The following RGS6 variants were observed in gnomAD, a reference collection of about 807,000 sequenced individuals.
The protein encoded by RGS6 is regulator of G protein signaling 6.
A neutral mutation model predicts 78.5 loss-of-function variants in RGS6; 30 were observed. That is an observed-to-expected ratio of 0.38 (90% CI 0.29 to 0.52). The LOEUF is 0.52. Among genes scored for constraint, RGS6 ranks in the 20% least tolerant of loss-of-function variants. RGS6 has a pLI of 0.85. For synonymous variants in RGS6, 206 were observed against 206.0 expected, an observed-to-expected ratio of 1.00 and a Z score of 0.00; for missense variants, 495 against 609.7, an observed-to-expected ratio of 0.81 and a Z score of 1.98.
chr14:71,954,898 G>A (rs888231768), intron 1 of RGS6, among the ~76,000 whole-genome samples: 3 of 152,062 alleles, frequency 2.0e-5, no homozygotes, highest in South Asian at 2.1e-4. Context: ...TCCAACATCC[G>A]TGACATATCT....
chr14:72,523,822 T>C (rs953893422), intron 15 of RGS6, among the ~76,000 whole-genome samples: 1 of 151,562 alleles, frequency 6.6e-6, no homozygotes, highest in Admixed American at 6.5e-5. Flanking sequence ...GAAAAATATA[T>C]AGGCCATGAT....
At chr14:72,383,313 A>C (rs1383124897) in intron 3 of RGS6, among the ~76,000 whole-genome samples, 3 of 151,538 alleles carry the variant, frequency 2.0e-5, no homozygotes, top group Non-Finnish European at 4.4e-5. Flanking sequence ...GACTAAATGA[A>C]CACATTTACT....
chr14:72,350,049 A>G (rs2078824666), intron 2 of RGS6, among the ~76,000 whole-genome samples: 1 of 152,252 alleles, frequency 6.6e-6, no homozygotes, highest in Admixed American at 6.5e-5. Flanking sequence ...GATTGAGTTT[A>G]GGAGACAAAG....
chr14:72,006,533 T>C (rs2084597775), intron 2 of RGS6, among the ~76,000 whole-genome samples: 1 of 152,116 alleles, frequency 6.6e-6, no homozygotes, highest in South Asian at 2.1e-4. Context: ...CAAGAGCTAA[T>C]AAAAAATGGA....
rs146420095 is a variant in RGS6, at chr14:72,172,519, A to G, written c.85-179576A>G. Reference sequence around the variant, plus strand: ...TGTATATTATTATATACACGTATGCATCCTCCCCCCAGCATTGATGTGTGT... The same window carrying G: ...TGTATATTATTATATACACGTATGCGTCCTCCCCCCAGCATTGATGTGTGT... On this transcript the variant is annotated intron_variant, in intron 2 of 17. Coordinates refer to ENST00000553525, the MANE Select transcript of RGS6 (RefSeq NM_001204424.2). Among the ~76,000 whole-genome samples, 3 of 152,188 alleles carry G rather than the reference A, an allele frequency of 2.0e-5. No individual in the cohort carries two copies. The East Asian group carries it at 5.8e-4, about 29-fold the overall frequency.
chr14:72,064,989 G>A (rs2094073844), intron 2 of RGS6, among the ~76,000 whole-genome samples: 1 of 152,066 alleles, frequency 6.6e-6, no homozygotes, highest in African/African-American at 2.4e-5. Context: ...GAGGTTACTG[G>A]CCAGAACTAT....
intron 2 of RGS6, among the ~76,000 whole-genome samples, chr14:72,148,209 C>T (rs1379859935): frequency 6.9e-6 from 1 of 144,684 alleles, no homozygotes; most frequent in Non-Finnish European, 1.5e-5. Flanking sequence ...GCCTGGGCAA[C>T]ATAGCAAGAA....
At chr14:72,192,208 A>T (rs559938642) in intron 2 of RGS6, among the ~76,000 whole-genome samples, 1 of 152,314 alleles carries the variant, frequency 6.6e-6, no homozygotes, top group South Asian at 2.1e-4. Flanking sequence ...GGAGACATGA[A>T]GTCATTGTTT....
chr14:72,547,091 G>GC (rs1474196825), intron 17 of RGS6: 21 of 1,325,558 alleles, frequency 1.6e-5, no homozygotes, highest in African/African-American at 4.4e-5. Flanking sequence ...GGAGTGCAGG[G>GC]CCCCCCGCAG....
chr14:71,920,701 G>A, the RGS6 span, among the ~76,000 whole-genome samples: 3 of 152,190 alleles, frequency 2.0e-5, no homozygotes, highest in Admixed American at 6.5e-5. Flanking sequence ...TCTGGTTGGG[G>A]TATTTTAAAT....
intron 2 of RGS6, among the ~76,000 whole-genome samples, chr14:72,320,561 G>C (rs964233868): frequency 6.6e-6 from 1 of 151,936 alleles, no homozygotes; most frequent in Non-Finnish European, 1.5e-5. Flanking sequence ...CTGGGCAATA[G>C]AGCAAGACTC....
At chr14:72,082,823 C>T (rs1483288357) in intron 2 of RGS6, among the ~76,000 whole-genome samples, 1 of 152,084 alleles carries the variant, frequency 6.6e-6, no homozygotes, top group African/African-American at 2.4e-5. Context: ...TTCATAAATA[C>T]TTGTAACATA....
At chr14:72,327,003 G>A (rs961017845) in intron 2 of RGS6, among the ~76,000 whole-genome samples, 9 of 152,182 alleles carry the variant, frequency 5.9e-5, no homozygotes, top group Admixed American at 1.3e-4. Context: ...CGTTGCGCCC[G>A]GCCAGGTATT....
intron 1 of RGS6, among the ~76,000 whole-genome samples, chr14:71,943,692 G>C (rs1003051817): frequency 6.6e-6 from 1 of 152,202 alleles, no homozygotes; most frequent in Non-Finnish European, 1.5e-5. Flanking sequence ...AAGTGAAAAA[G>C]GAGACTGCTG....
At chr14:71,947,952 G>T (rs2091777571) in intron 1 of RGS6, among the ~76,000 whole-genome samples, 1 of 152,192 alleles carries the variant, frequency 6.6e-6, no homozygotes, top group Non-Finnish European at 1.5e-5. Context: ...TGGGGATTTA[G>T]TCTTCTCTCT....
At chr14:72,159,994 T>G (rs888434993) in intron 2 of RGS6, among the ~76,000 whole-genome samples, 20 of 152,350 alleles carry the variant, frequency 1.3e-4, no homozygotes, top group Admixed American at 1.3e-3. Context: ...CATAATAAAT[T>G]ACAGTTCTTT....
chr14:72,530,014 C>T (rs2097162839), intron 15 of RGS6, among the ~76,000 whole-genome samples: 1 of 152,236 alleles, frequency 6.6e-6, no homozygotes, highest in Non-Finnish European at 1.5e-5. Context: ...AGTGTTTAGA[C>T]ATCTGCTTTA....
At chr14:72,188,674 C>G (rs904089161) in intron 2 of RGS6, among the ~76,000 whole-genome samples, 2 of 152,186 alleles carry the variant, frequency 1.3e-5, no homozygotes, top group Non-Finnish European at 2.9e-5. Flanking sequence ...ACCATTCTGT[C>G]ATGTGCATCA....
the RGS6 span, among the ~76,000 whole-genome samples, chr14:72,597,595 T>G: frequency 6.6e-6 from 1 of 151,950 alleles, no homozygotes; most frequent in Non-Finnish European, 1.5e-5. Flanking sequence ...TGACAGACGT[T>G]TTTAAATTGA....
Sources: gnomAD v4.1 joint callset for allele counts (sites outside exome capture counted in the v4.1 genomes callset) on GRCh38, gnomAD v4.1.1 for gene constraint, MANE v1.5 for transcripts, NCBI Gene and HGNC (gene_info 2026-07-23, HGNC 2026-07-21) for gene names.